The following SORL1-AS1 variants were observed in gnomAD, a reference collection of about 807,000 sequenced individuals.
The protein encoded by SORL1-AS1 is lncRNA 51 A.
At chr11:121,439,452 C>G in the SORL1-AS1 span, among the ~76,000 whole-genome samples, 1 of 151,820 alleles carries the variant, frequency 6.6e-6, no homozygotes, top group African/African-American at 2.4e-5. Flanking sequence ...TTGTAAGAGT[C>G]CTTTGTACAT....
At chr11:121,441,431 T>C in the SORL1-AS1 span, among the ~76,000 whole-genome samples, 1 of 147,424 alleles carries the variant, frequency 6.8e-6, no homozygotes, top group African/African-American at 2.5e-5. Flanking sequence ...CTCGGGAGGC[T>C]GAGGCAGGAG....
At chr11:121,444,194 G>A (rs777567766), downstream of SORL1-AS1, among the ~76,000 whole-genome samples, 10 of 152,094 alleles carry the variant, frequency 6.6e-5, no homozygotes, top group Non-Finnish European at 1.0e-4. Context: ...CATATCACCT[G>A]GTAGTGAGGT....
downstream of SORL1-AS1, among the ~76,000 whole-genome samples, chr11:121,442,748 G>T (rs1362608341): frequency 2.2e-4 from 33 of 147,220 alleles, no homozygotes; most frequent in Non-Finnish European, 3.4e-4. Flanking sequence ...GCGTGATCTC[G>T]GCTCACTGCA....
Position 121,452,421 on chromosome 11 carries a change from C to G in SORL1-AS1, n.339+254G>C, listed in dbSNP as rs559316306. ...TGCCGCCCGGAGCTCTCTGCGAAGT[C>G]TGGACGCAGAGGCTGCACGGCGGCA... On this transcript the variant is annotated intron_variant and non_coding_transcript_variant, in intron 1 of 1. Transcript: ENST00000501964. The surrounding 1 kb of genome is among the most constrained non-coding windows in gnomAD (Gnocchi z 5.3). 3 of 1,519,194 alleles carry G rather than the reference C, an allele frequency of 2.0e-6. No individual in the cohort carries two copies. The African/African-American group carries it at 4.3e-5, about 22-fold the overall frequency. 94.1% of individuals were successfully genotyped at this position (1,519,194 alleles called of 1,614,324 possible).
At chr11:121,447,743 T>A (rs1015959645) in exon 2 of SORL1-AS1, 25 of 152,096 alleles carry the variant, frequency 1.6e-4, no homozygotes, top group African/African-American at 5.8e-4. Flanking sequence ...AACTGTAACA[T>A]TACTGCTAAC....
At chr11:121,447,123 A>G (rs1939374041), downstream of SORL1-AS1, among the ~76,000 whole-genome samples, 1 of 152,128 alleles carries the variant, frequency 6.6e-6, no homozygotes, top group African/African-American at 2.4e-5. Context: ...AGGGACCCTC[A>G]GCAACCCATT....
chr11:121,446,814 T>A (rs188080486), downstream of SORL1-AS1, among the ~76,000 whole-genome samples: 9 of 151,396 alleles, frequency 5.9e-5, no homozygotes, highest in Admixed American at 3.9e-4. Context: ...AGTCTGACTG[T>A]CTGCTTTCCC....
In SORL1-AS1 at chr11:121,450,422, A is replaced by G. The variant is rs536502495; in HGVS notation, n.340-523T>C. Among the ~76,000 whole-genome samples, 1 of 151,958 alleles carries G rather than the reference A, an allele frequency of 6.6e-6. No homozygotes were observed. The highest frequency in any genetic ancestry group is 1.5e-5 in the Non-Finnish European group (1 of 68,002). On this transcript the variant is annotated intron_variant and non_coding_transcript_variant, in intron 1 of 1. Transcript: ENST00000501964. The surrounding 1 kb of genome is among the most constrained non-coding windows in gnomAD (Gnocchi z 5.2). ...AGTGGTTCAGTGGCTTTCTTGGAGG[A>G]TGCATGATTGTTTGAATTATTATTT...
In SORL1-AS1 at chr11:121,452,160, C is replaced by G; in HGVS notation, n.339+515G>C. ...CACACGTGACGGCGCCGCGCCGAAC[C>G]GAGCGGGACCTGGCGGCAGCGGCGG... On this transcript the variant is annotated intron_variant and non_coding_transcript_variant, in intron 1 of 1. Coordinates refer to ENST00000501964, the Ensembl canonical transcript of SORL1-AS1. The surrounding 1 kb of genome is among the most constrained non-coding windows in gnomAD (Gnocchi z 5.3). 5.3e-6 allele frequency: 1 copy of G among 188,164 alleles called. No individual in the cohort carries two copies. Among genetic ancestry groups the G allele is most frequent in the Non-Finnish European group, 9.8e-6 (1 of 101,828 alleles). The allele number at this position is 188,164 out of a possible 1,614,324, so 11.7% of individuals were successfully genotyped here.
the SORL1-AS1 span, among the ~76,000 whole-genome samples, chr11:121,439,939 G>C: frequency 1.3e-5 from 2 of 152,204 alleles, no homozygotes; most frequent in African/African-American, 2.4e-5. Context: ...TGAGAGTCTA[G>C]GAGGCCCCTA....
the SORL1-AS1 span, among the ~76,000 whole-genome samples, chr11:121,440,763 T>G: frequency 6.6e-6 from 1 of 152,216 alleles, no homozygotes; most frequent in Non-Finnish European, 1.5e-5. Context: ...CTATTACCAC[T>G]AGATTATACC....
rs1454979555 is a variant in SORL1-AS1 at position 121,452,239 on chromosome 11, G to GGC, written n.339+434_339+435dup. ...GCGGGCGGCCTGGAGCCCCGGGAGC[G>GGC]GCGCGCGCGGTCCCGGCCCAGCGGC... On this transcript the variant is annotated intron_variant and non_coding_transcript_variant, in intron 1 of 1. Coordinates refer to ENST00000501964, the Ensembl canonical transcript of SORL1-AS1. The surrounding 1 kb of genome is among the most constrained non-coding windows in gnomAD (Gnocchi z 5.3). 3 of 1,072,014 alleles carry GGC rather than the reference G, an allele frequency of 2.8e-6. No homozygotes were observed. The East Asian group carries it at 1.0e-4, about 37-fold the overall frequency. The allele number at this position is 1,072,014 out of a possible 1,614,324, so 66.4% of individuals were successfully genotyped here.
chr11:121,440,993 C>CTTT, the SORL1-AS1 span, among the ~76,000 whole-genome samples: 2 of 152,282 alleles, frequency 1.3e-5, no homozygotes, highest in East Asian at 3.9e-4. Flanking sequence ...GGGATCACTC[C>CTTT]TTTTTCTGCC....
rs1860771754 is a variant in SORL1-AS1 at position 121,450,225 on chromosome 11, A to T, written n.340-326T>A. Among the ~76,000 whole-genome samples, 1 of 152,192 alleles carries T rather than the reference A, an allele frequency of 6.6e-6. No individual in the cohort carries two copies. The highest frequency in any genetic ancestry group is 1.5e-5 in the Non-Finnish European group (1 of 68,040). On this transcript the variant is annotated intron_variant and non_coding_transcript_variant, in intron 1 of 1. Coordinates refer to ENST00000501964, the Ensembl canonical transcript of SORL1-AS1. This position sits in a 1 kb window ranked among gnomAD's most constrained non-coding sequence, Gnocchi z 5.2. ...TATGTTGGAAAAACCCCAATAATTG[A>T]ATCATCTACAGGATGTTCTCACTTT...
At chr11:121,447,193 C>A (rs777952742), downstream of SORL1-AS1, 1 of 151,954 alleles carries the variant, frequency 6.6e-6, no homozygotes, top group Non-Finnish European at 1.5e-5. Context: ...TCTAGGTTCC[C>A]GCTTCACACA....
rs1178683984 is a variant in SORL1-AS1, at chr11:121,452,003, C to CG, written n.339+671dup. On this transcript the variant is annotated intron_variant and non_coding_transcript_variant, in intron 1 of 1. Coordinates refer to ENST00000501964, the Ensembl canonical transcript of SORL1-AS1. The surrounding 1 kb of genome is among the most constrained non-coding windows in gnomAD (Gnocchi z 5.3). The stretch of plus-strand genomic sequence containing the variant: ...TGCAGGGAGAACAAGGAGGTGTGCC[C>CG]GCCAGGGAAGGGACGCACCCCCACC... 1.3e-5 allele frequency among the ~76,000 whole-genome samples: 2 copies of CG among 152,162 alleles called. No homozygotes were observed. The highest frequency in any genetic ancestry group is 2.9e-5 in the Non-Finnish European group (2 of 68,002).
At chr11:121,443,058 G>GGAAAAGAGT (rs1186830791), downstream of SORL1-AS1, among the ~76,000 whole-genome samples, 1 of 151,768 alleles carries the variant, frequency 6.6e-6, no homozygotes, top group Non-Finnish European at 1.5e-5. Flanking sequence ...GACGTGGGAT[G>GGAAAAGAGT]GAAAAGAGTG....
At chr11:121,440,796 C>T in the SORL1-AS1 span, among the ~76,000 whole-genome samples, 11 of 152,188 alleles carry the variant, frequency 7.2e-5, no homozygotes, top group East Asian at 1.9e-4. Flanking sequence ...CGCATTTCTA[C>T]GTAGCTGTCC....
At chr11:121,443,284 C>G (rs1860685354), downstream of SORL1-AS1, among the ~76,000 whole-genome samples, 1 of 152,212 alleles carries the variant, frequency 6.6e-6, no homozygotes, top group Non-Finnish European at 1.5e-5. Context: ...GCTGACCACC[C>G]TTGAGGCATG....
Sources: allele counts gnomAD v4.1 joint callset (sites outside exome capture counted in the v4.1 genomes callset), GRCh38; gene constraint gnomAD v4.1.1; non-coding constraint Gnocchi (gnomAD v3.1); transcripts MANE v1.5; gene names NCBI Gene and HGNC (gene_info 2026-07-23, HGNC 2026-07-21).